CAMK1D: variants seen among roughly 807,000 people sequenced by gnomAD.
CAMK1D encodes calcium/calmodulin dependent protein kinase ID, also known as calcium/calmodulin-dependent protein kinase type 1D.
A neutral mutation model predicts 47.7 loss-of-function variants in CAMK1D; 9 were observed. The ratio of observed to expected loss-of-function variants is 0.19; its 90% CI spans 0.11 to 0.33. The LOEUF is 0.33. Among genes scored for constraint, CAMK1D ranks in the 10% least tolerant of loss-of-function variants. The probability of loss-of-function intolerance (pLI) is 1.00; values close to 1 mark genes in which losing one functional copy is unlikely to be tolerated. For missense variants in CAMK1D, 291 were observed against 488.7 expected (o/e 0.60, Z 3.81); for synonymous variants, 184 against 184.9 (o/e 0.99, Z 0.04).
At chr10:12,636,652 G>GAAACAGACTGAGAGGGGTTGAATA (rs1434637406) in intron 2 of CAMK1D, among the ~76,000 whole-genome samples, 1 of 152,096 alleles carries the variant, frequency 6.6e-6, no homozygotes, top group Non-Finnish European at 1.5e-5. Flanking sequence ...CGCCAATGAG[G>GAAACAGACTGAGAGGGGTTGAATA]AAACAGACTG....
chr10:12,404,325 G>C (rs150869135), intron 1 of CAMK1D, among the ~76,000 whole-genome samples: 1 of 152,202 alleles, frequency 6.6e-6, no homozygotes, highest in Non-Finnish European at 1.5e-5. Flanking sequence ...GATTACAGGC[G>C]TGAGCCCCTG....
chr10:12,501,215 T>C (rs935410980), intron 1 of CAMK1D, among the ~76,000 whole-genome samples: 1 of 152,244 alleles, frequency 6.6e-6, no homozygotes, highest in Non-Finnish European at 1.5e-5. Context: ...GTTTTCTTTT[T>C]CTTTTTCCTA....
At chr10:12,734,405 TAC>T (rs1227273818) in intron 3 of CAMK1D, among the ~76,000 whole-genome samples, 22 of 23,212 alleles carry the variant, frequency 9.5e-4, no homozygotes, top group African/African-American at 2.0e-3. Context: ...TATATATATA[TAC>T]ACACACACAC....
intron 1 of CAMK1D, among the ~76,000 whole-genome samples, chr10:12,378,219 C>A (rs540126836): frequency 6.6e-6 from 1 of 152,162 alleles, no homozygotes; most frequent in Non-Finnish European, 1.5e-5. Flanking sequence ...CTGCTCTCTC[C>A]GTCTAAAGCC....
chr10:12,664,658 G>GTGA, intron 2 of CAMK1D, among the ~76,000 whole-genome samples: 1 of 152,206 alleles, frequency 6.6e-6, no homozygotes, highest in South Asian at 2.1e-4. Flanking sequence ...TGTAAGCAGA[G>GTGA]TGATTAGATT....
chr10:12,671,690 AT>A (rs1336599358), intron 3 of CAMK1D, among the ~76,000 whole-genome samples: 1 of 151,800 alleles, frequency 6.6e-6, no homozygotes, highest in Non-Finnish European at 1.5e-5. Context: ...TGTAAAATTA[AT>A]TTGTCTTTTA....
intron 3 of CAMK1D, among the ~76,000 whole-genome samples, chr10:12,734,681 C>T (rs1305201154): frequency 6.6e-6 from 1 of 151,704 alleles, no homozygotes; most frequent in Non-Finnish European, 1.5e-5. Flanking sequence ...CAAGTCCAGA[C>T]AACTTCATGG....
chr10:12,477,536 C>T (rs749216131), intron 1 of CAMK1D, among the ~76,000 whole-genome samples: 2 of 152,208 alleles, frequency 1.3e-5, no homozygotes, highest in African/African-American at 4.8e-5. Context: ...CCATTCTACT[C>T]TCTTCATAGG....
At chr10:12,427,953 A>T (rs2399859) in intron 1 of CAMK1D, among the ~76,000 whole-genome samples, 7 of 151,222 alleles carry the variant, frequency 4.6e-5, no homozygotes, top group African/African-American at 1.5e-4. Flanking sequence ...TGATCCTCCC[A>T]CCTTGGCCTG....
intron 6 of CAMK1D, among the ~76,000 whole-genome samples, chr10:12,797,597 G>A (rs1021566572): frequency 1.3e-5 from 2 of 152,124 alleles, no homozygotes. Context: ...CTCCAGCATC[G>A]TAGTTTGATT....
rs116792783 is a variant in CAMK1D at position 12,671,654 on chromosome 10, T to C, written c.299+4844T>C. 3.3e-3 allele frequency among the ~76,000 whole-genome samples: 496 copies of C among 151,784 alleles called. 7 individuals are homozygous for C. Among genetic ancestry groups the C allele is most frequent in the African/African-American group, 0.011 (467 of 41,458 alleles). On this transcript the variant is annotated intron_variant, in intron 3 of 10. Coordinates refer to ENST00000619168, the MANE Select transcript of CAMK1D (RefSeq NM_153498.4). ...ATATATACACGTATACACACACACA[T>C]ATATATATTAAAATCCTTTATCCTT...
chr10:12,393,117 C>T (rs1257382627), intron 1 of CAMK1D, among the ~76,000 whole-genome samples: 5 of 151,922 alleles, frequency 3.3e-5, no homozygotes, highest in Non-Finnish European at 5.9e-5. Context: ...CTCCAAGCTC[C>T]GCCTCCCGGG....
rs527794308 is a variant in CAMK1D at position 12,520,091 on chromosome 10, G to C, written c.93-33134G>C. ...GCTGACCCCCCCCCACCTCCCTCCC[G>C]GACGGGGTGGCTGCCGGGCGGAGAG... On this transcript the variant is annotated intron_variant, in intron 1 of 10. Transcript: ENST00000619168. 7.0e-3 allele frequency among the ~76,000 whole-genome samples: 579 copies of C among 82,898 alleles called. 162 individuals are homozygous for C. The highest frequency in any genetic ancestry group is 0.011 in the Non-Finnish European group (438 of 39,220). The allele number at this position is 82,898 out of a possible 152,430, so 54.4% of individuals were successfully genotyped here.
intron 2 of CAMK1D, among the ~76,000 whole-genome samples, chr10:12,639,243 TG>T (rs1206805979): frequency 6.6e-6 from 1 of 152,174 alleles, no homozygotes; most frequent in Non-Finnish European, 1.5e-5. Flanking sequence ...CCCAGCTCTT[TG>T]GGAGGCCAAA....
intron 1 of CAMK1D, among the ~76,000 whole-genome samples, chr10:12,541,600 T>C (rs904555823): frequency 1.3e-5 from 2 of 152,082 alleles, no homozygotes; most frequent in Non-Finnish European, 2.9e-5. Context: ...AGCTTGTGAT[T>C]CACCCGCCTT....
At chr10:12,512,005 C>G (rs1317207107) in intron 1 of CAMK1D, among the ~76,000 whole-genome samples, 1 of 152,158 alleles carries the variant, frequency 6.6e-6, no homozygotes, top group Non-Finnish European at 1.5e-5. Flanking sequence ...TGTAAAGATA[C>G]CTGTCTGGTG....
chr10:12,733,827 T>G (rs1182052341), intron 3 of CAMK1D, among the ~76,000 whole-genome samples: 9 of 152,234 alleles, frequency 5.9e-5, no homozygotes, highest in African/African-American at 1.9e-4. Flanking sequence ...TTCATTGTAT[T>G]GTAAATTTCA....
intron 1 of CAMK1D, among the ~76,000 whole-genome samples, chr10:12,359,971 T>A (rs1261752278): frequency 6.6e-6 from 1 of 152,182 alleles, no homozygotes; most frequent in East Asian, 1.9e-4. Context: ...GATGTTAGTG[T>A]TAACACTTGG....
At chr10:12,518,717 T>C (rs1366697972) in intron 1 of CAMK1D, among the ~76,000 whole-genome samples, 3 of 93,488 alleles carry the variant, frequency 3.2e-5, no homozygotes. Context: ...TTCAAGCATC[T>C]GTTTAACAAA....
Sources: gnomAD v4.1 joint callset for allele counts (sites outside exome capture counted in the v4.1 genomes callset) on GRCh38, gnomAD v4.1.1 for gene constraint, MANE v1.5 for transcripts, NCBI Gene and HGNC (gene_info 2026-07-23, HGNC 2026-07-21) for gene names.